The following TMEM233 variants were observed in gnomAD, a reference collection of about 807,000 sequenced individuals.
The protein encoded by TMEM233 is transmembrane protein 233.
TMEM233 carries 6 observed loss-of-function variants against 11.2 expected under a neutral mutation model. The observed-to-expected ratio is 0.54, with a 90% CI of 0.29 to 1.06. The LOEUF (loss-of-function observed/expected upper bound fraction) is 1.06, where lower values mean the gene tolerates loss of function less well. Among genes scored for constraint, TMEM233 ranks in the 50% least tolerant of loss-of-function variants. The pLI, the probability that TMEM233 is intolerant of heterozygous loss-of-function variation, is 0.08. For synonymous variants in TMEM233, 59 were observed against 55.8 expected (o/e 1.06, Z -0.26); for missense variants, 127 against 144.7 (o/e 0.88, Z 0.63).
downstream of TMEM233, among the ~76,000 whole-genome samples, chr12:119,647,313 T>G (rs904472438): frequency 6.6e-6 from 1 of 152,238 alleles, no homozygotes; most frequent in Non-Finnish European, 1.5e-5. Context: ...GCAGGCTTTT[T>G]AGTTGAGTTG....
At chr12:119,621,815 C>T (rs1954650240) in intron 1 of TMEM233, among the ~76,000 whole-genome samples, 1 of 152,136 alleles carries the variant, frequency 6.6e-6, no homozygotes, top group Non-Finnish European at 1.5e-5. Flanking sequence ...GATTTTACTT[C>T]AAAAGAAATA....
intron 1 of TMEM233, among the ~76,000 whole-genome samples, chr12:119,609,058 A>G (rs1473021621): frequency 1.3e-5 from 2 of 152,234 alleles, no homozygotes; most frequent in East Asian, 3.9e-4. Context: ...AGAAGAAGAC[A>G]GGAAAATGTG....
downstream of TMEM233, among the ~76,000 whole-genome samples, chr12:119,645,820 T>C (rs926964716): frequency 4.6e-5 from 7 of 152,178 alleles, no homozygotes; most frequent in Non-Finnish European, 8.8e-5. Context: ...TGTCTGCTCC[T>C]GGAACTGTGA....
At chr12:119,612,612 C>A (rs559411449) in intron 1 of TMEM233, among the ~76,000 whole-genome samples, 1 of 151,920 alleles carries the variant, frequency 6.6e-6, no homozygotes, top group Admixed American at 6.6e-5. Flanking sequence ...ATTAGCCGGG[C>A]GTGGTGGCGG....
chr12:119,625,146 C>T (rs1312409277), intron 1 of TMEM233, among the ~76,000 whole-genome samples: 1 of 152,124 alleles, frequency 6.6e-6, no homozygotes, highest in Non-Finnish European at 1.5e-5. Context: ...TAAGGTGGCC[C>T]AGATCCAAGA....
intron 1 of TMEM233, among the ~76,000 whole-genome samples, chr12:119,618,717 C>A (rs1206902564): frequency 6.6e-6 from 1 of 152,120 alleles, no homozygotes; most frequent in Non-Finnish European, 1.5e-5. Context: ...ATGTATTTGC[C>A]CAATGCCTGT....
chr12:119,637,120 C>T (rs1954981244), intron 2 of TMEM233, among the ~76,000 whole-genome samples: 1 of 152,242 alleles, frequency 6.6e-6, no homozygotes, highest in African/African-American at 2.4e-5. Flanking sequence ...CAGTCAGAAA[C>T]TCCAGCTCTA....
rs1955092638 is a variant in TMEM233, at chr12:119,642,269, A to C, written c.*1564A>C. The C allele has an allele frequency of 6.6e-6, 1 of 152,168 alleles. No homozygotes were observed. Among genetic ancestry groups the C allele is most frequent in the African/African-American group, 2.4e-5 (1 of 41,426 alleles). The allele number at this position is 152,168 out of a possible 1,614,324, so 9.4% of individuals were successfully genotyped here. ...TGAGACCAGCCTGACCAACATGGTG[A>C]AACTCCATCTCTACTAAAAATACAA... On this transcript the variant is annotated 3_prime_UTR_variant, in exon 3 of 3. Transcript: ENST00000426426.
the TMEM233 span, among the ~76,000 whole-genome samples, chr12:119,651,351 G>C: frequency 6.6e-6 from 1 of 152,224 alleles, no homozygotes; most frequent in African/African-American, 2.4e-5. Flanking sequence ...TGTCCTGAGA[G>C]AAGGAAGGCC....
At chr12:119,608,152 A>G (rs754794715) in intron 1 of TMEM233, among the ~76,000 whole-genome samples, 6 of 152,094 alleles carry the variant, frequency 3.9e-5, no homozygotes, top group Non-Finnish European at 7.4e-5. Flanking sequence ...TTAGCCTGCA[A>G]TGGTAAGAAG....
At chr12:119,596,487 CTTTTTTT>C (rs34129084) in intron 1 of TMEM233, among the ~76,000 whole-genome samples, 1 of 90,386 alleles carries the variant, frequency 1.1e-5, no homozygotes, top group Non-Finnish European at 2.0e-5. Flanking sequence ...AAGTTTGTAT[CTTTTTTT>C]TTTTTTTTTT....
intron 2 of TMEM233, among the ~76,000 whole-genome samples, chr12:119,637,982 A>C (rs1372229389): frequency 6.6e-6 from 1 of 152,200 alleles, no homozygotes; most frequent in African/African-American, 2.4e-5. Flanking sequence ...TGGTGGTGAA[A>C]GAGAAAATTG....
intron 1 of TMEM233, among the ~76,000 whole-genome samples, chr12:119,627,614 T>A (rs1954791336): frequency 1.3e-5 from 2 of 152,200 alleles, no homozygotes; most frequent in Non-Finnish European, 2.9e-5. Context: ...AACTCATTAC[T>A]GCAGGGAGGG....
intron 1 of TMEM233, among the ~76,000 whole-genome samples, chr12:119,623,325 C>T (rs1954683490): frequency 6.6e-6 from 1 of 152,144 alleles, no homozygotes; most frequent in African/African-American, 2.4e-5. Flanking sequence ...ACTGTGTTTT[C>T]CAAGGCAGCA....
intron 1 of TMEM233, among the ~76,000 whole-genome samples, chr12:119,623,586 G>GGTATGCACCT (rs1251915299): frequency 7.9e-5 from 12 of 151,634 alleles, no homozygotes; most frequent in African/African-American, 2.7e-4. Flanking sequence ...TGGTTGTGGT[G>GGTATGCACCT]GTATGCACCT....
chr12:119,603,540 C>T (rs1954209184), intron 1 of TMEM233, among the ~76,000 whole-genome samples: 2 of 152,216 alleles, frequency 1.3e-5, no homozygotes, highest in South Asian at 4.1e-4. Context: ...GAACTTTAAT[C>T]ACCTAAGGAT....
chr12:119,652,522 G>A, the TMEM233 span, among the ~76,000 whole-genome samples: 5 of 152,294 alleles, frequency 3.3e-5, no homozygotes. Context: ...GGGTCACCCA[G>A]TCTGCATAGC....
At chr12:119,621,452 G>A (rs1429716835) in intron 1 of TMEM233, among the ~76,000 whole-genome samples, 2 of 152,120 alleles carry the variant, frequency 1.3e-5, no homozygotes, top group Non-Finnish European at 2.9e-5. Flanking sequence ...CAAAGTGCTG[G>A]GATTACAGGT....
At position 119,593,781 on chromosome 12, in the gene TMEM233, G is replaced by A. The variant is rs898679702; in HGVS notation, c.-68G>A. On this transcript the variant is annotated 5_prime_UTR_variant, in exon 1 of 3. Transcript: ENST00000426426. This position sits in a 1 kb window ranked among gnomAD's most constrained non-coding sequence, Gnocchi z 4.1. The stretch of plus-strand genomic sequence containing the variant: ...GCTTTTCAGAGCCTCGCCACAAGCC[G>A]GCGGCCAGAGCCCCAGACCACACAG... 8.9e-6 allele frequency: 13 copies of A among 1,464,890 alleles called. No individual in the cohort carries two copies. The African/African-American group carries it at 1.1e-4, about 13-fold the overall frequency. 90.7% of individuals were successfully genotyped at this position (1,464,890 alleles called of 1,614,324 possible).
Sources: gnomAD v4.1 joint callset for allele counts (sites outside exome capture counted in the v4.1 genomes callset) on GRCh38, gnomAD v4.1.1 for gene constraint, Gnocchi (gnomAD v3.1) non-coding constraint, MANE v1.5 for transcripts, NCBI Gene and HGNC (gene_info 2026-07-23, HGNC 2026-07-21) for gene names.